TMEM167B: variants seen among roughly 807,000 people sequenced by gnomAD.
TMEM167B encodes the protein transmembrane protein 167B.
A neutral mutation model predicts 9.4 loss-of-function variants in TMEM167B; 2 were observed. That is an observed-to-expected ratio of 0.21 (90% confidence interval 0.09 to 0.67). The LOEUF (loss-of-function observed/expected upper bound fraction) is 0.67. Among genes scored for constraint, TMEM167B ranks in the 30% least tolerant of loss-of-function variants. TMEM167B has a pLI of 0.82. For missense variants in TMEM167B, 68 were observed against 87.6 expected, an observed-to-expected ratio of 0.78 and a Z score of 0.89; for synonymous variants, 28 against 32.0, an observed-to-expected ratio of 0.87 and a Z score of 0.42.
chr1:109,096,307 T>TA lies in TMEM167B; in HGVS notation c.*1809dup, dbSNP rs1460033072. 1 of 152,232 alleles carries TA rather than the reference T, an allele frequency of 6.6e-6. No individual in the cohort carries two copies. Among genetic ancestry groups the TA allele is most frequent in the Non-Finnish European group, 1.5e-5 (1 of 68,044 alleles). The allele number at this position is 152,232 out of a possible 1,614,324, so 9.4% of individuals were successfully genotyped here. A position where few individuals can be genotyped will look rare whatever the true frequency, so the allele number is the denominator to read the frequency against. ...AATCTAGTGGAACAGGAAAGAGAGT[T>TA]ACACCTTGTGGGTGTGAGTTTGGGA... On this transcript the variant is annotated 3_prime_UTR_variant, in exon 3 of 3. Coordinates refer to ENST00000338272, the MANE Select transcript of TMEM167B (RefSeq NM_020141.4).
rs754707154 is a variant in TMEM167B at position 109,092,881 on chromosome 1, A to G, written c.11-9A>G. ...TACCTAAGGTTTTCTTTTCTTCTTT[A>G]TTTAACAGTGTACTCCTTGGATGGG... On this transcript the variant is annotated splice_polypyrimidine_tract_variant and intron_variant, in intron 1 of 2. Coordinates refer to ENST00000338272, the MANE Select transcript of TMEM167B (RefSeq NM_020141.4). The G allele has an allele frequency of 7.4e-6, 12 of 1,613,650 alleles. No individual in the cohort carries two copies. Among genetic ancestry groups the G allele is most frequent in the Non-Finnish European group, 1.0e-5 (12 of 1,179,860 alleles).
chr1:109,090,993 C>T, intron 1 of TMEM167B, 111 bp downstream of exon 1: 1 of 1,342,748 alleles, frequency 7.4e-7, no homozygotes, highest in Non-Finnish European at 1.0e-6. Context: ...CAGCCCGGCC[C>T]CCCTTGGCCT....
chr1:109,090,899 T>C lies in TMEM167B; in HGVS notation c.10+17T>C. ...TGACGAACGGTGAGAACTGATGCCCTGAGCGGAGGGTGGGAGTGAAGGACG... is the reference window on the plus strand; with the variant it reads ...TGACGAACGGTGAGAACTGATGCCCCGAGCGGAGGGTGGGAGTGAAGGACG... On this transcript the variant is annotated intron_variant, in intron 1 of 2. Coordinates refer to ENST00000338272, the MANE Select transcript of TMEM167B (RefSeq NM_020141.4). 6.3e-7 allele frequency: 1 copy of C among 1,587,996 alleles called. No individual in the cohort carries two copies. Among genetic ancestry groups the C allele is most frequent in the Non-Finnish European group, 8.6e-7 (1 of 1,166,194 alleles).
Position 109,093,048 on chromosome 1 carries a change from G to C in TMEM167B, c.142+27G>C, listed in dbSNP as rs1313188806. On this transcript the variant is annotated intron_variant, in intron 2 of 2. Transcript: ENST00000338272. ...TGAGGCCATGTCTGGACAGGGAGAA[G>C]AGACTGCCATCTCTGGACAGTGTGG... 4 of 1,613,634 alleles carry C rather than the reference G, an allele frequency of 2.5e-6. No individual in the cohort carries two copies. The African/African-American group carries it at 5.3e-5, about 22-fold the overall frequency.
intron 1 of TMEM167B, among the ~76,000 whole-genome samples, chr1:109,091,398 A>G (rs543134712): frequency 3.3e-5 from 5 of 152,326 alleles, no homozygotes; most frequent in African/African-American, 9.6e-5. Context: ...TGGCGGGGTG[A>G]TCCCACGTGG....
intron 1 of TMEM167B, 39 bp downstream of exon 1, chr1:109,090,921 G>T: frequency 1.3e-6 from 2 of 1,571,930 alleles, no homozygotes; most frequent in Non-Finnish European, 1.7e-6. Flanking sequence ...GGGAGTGAAG[G>T]ACGAAGGGAA....
chr1:109,094,401 C>T lies in TMEM167B; in HGVS notation c.143-16C>T, dbSNP rs756826697. On this transcript the variant is annotated splice_polypyrimidine_tract_variant and intron_variant, in intron 2 of 2. Transcript: ENST00000338272. ...TGAAGGGCAGGGTGTGATTTCTTCT[C>T]TCTTTTGCCTGCTAGCCGCTGTGAT... 4 of 1,613,858 alleles carry T rather than the reference C, an allele frequency of 2.5e-6. No homozygotes were observed. The highest frequency in any genetic ancestry group is 1.7e-5 in the Admixed American group (1 of 60,004).
chr1:109,094,641 G>T lies in TMEM167B; in HGVS notation c.*142G>T, dbSNP rs562799491. Reference sequence around the variant, plus strand: ...ACCACAGCATCTGCCCCTGCTATATGTGGGGAAAACTCATGGTCACGAACA... The same window carrying T: ...ACCACAGCATCTGCCCCTGCTATATTTGGGGAAAACTCATGGTCACGAACA... On this transcript the variant is annotated 3_prime_UTR_variant, in exon 3 of 3. Coordinates refer to ENST00000338272, the MANE Select transcript of TMEM167B (RefSeq NM_020141.4). 1 of 742,126 alleles carries T rather than the reference G, an allele frequency of 1.3e-6. No individual in the cohort carries two copies. Among genetic ancestry groups the T allele is most frequent in the Non-Finnish European group, 2.3e-6 (1 of 440,880 alleles). The allele number at this position is 742,126 out of a possible 1,614,324, so 46.0% of individuals were successfully genotyped here. A position where few individuals can be genotyped will look rare whatever the true frequency, so the allele number is the denominator to read the frequency against.
At position 109,094,438 on chromosome 1, in the gene TMEM167B, T is replaced by C. The variant is rs137977269; in HGVS notation, c.164T>C (p.Leu55Pro). ...CTAGCCGCTGTGATTGGAACCAGGC[T>C]GCATGCTGCTGTGGCAATTGCTTGT... is the stretch of plus-strand genomic sequence containing the variant. ...FYKAAVIGTRLHAAVAIACVV... is the reference protein window; with the variant it reads ...FYKAAVIGTRPHAAVAIACVV... Residue 55 changes from leucine to proline, a missense_variant, in exon 3 of 3, where the codon CTG (leucine) becomes CCG (proline). Coordinates refer to ENST00000338272, the MANE Select transcript of TMEM167B (RefSeq NM_020141.4). 1.9e-6 allele frequency: 3 copies of C among 1,614,116 alleles called. No homozygotes were observed. The African/African-American group carries it at 4.0e-5, about 22-fold the overall frequency.
intron 1 of TMEM167B, 88 bp downstream of exon 1, chr1:109,090,970 C>A: frequency 6.8e-7 from 1 of 1,473,030 alleles, no homozygotes; most frequent in South Asian, 1.3e-5. Flanking sequence ...TGGCCGTTCT[C>A]CCCGCCCCCT....
intron 2 of TMEM167B, among the ~76,000 whole-genome samples, chr1:109,094,135 C>A (rs544985123): frequency 1.3e-5 from 2 of 152,144 alleles, no homozygotes; most frequent in Non-Finnish European, 2.9e-5. Context: ...CAAAAATTAG[C>A]TGGGCATGGT....
At chr1:109,094,313 G>A in intron 2 of TMEM167B, 104 bp from the exon 3 acceptor site, 1 of 1,113,606 alleles carries the variant, frequency 9.0e-7, no homozygotes, top group Non-Finnish European at 1.3e-6. Context: ...GCCCTTGAGA[G>A]CGTTGATATG....
Position 109,094,676 on chromosome 1 carries a change from C to A in TMEM167B, c.*177C>A. The A allele has an allele frequency of 1.6e-6, 1 of 616,342 alleles. No homozygotes were observed. The highest frequency in any genetic ancestry group is 2.9e-6 in the Non-Finnish European group (1 of 349,398). 38.2% of individuals were successfully genotyped at this position (616,342 alleles called of 1,614,324 possible). On this transcript the variant is annotated 3_prime_UTR_variant, in exon 3 of 3. Coordinates refer to ENST00000338272, the MANE Select transcript of TMEM167B (RefSeq NM_020141.4). ...CTCATGGTCACGAACATTATTTATG[C>A]TTCAGGGGACTACAGAAAGCCAGCT...
At chr1:109,091,459 A>G (rs1205300924) in intron 1 of TMEM167B, among the ~76,000 whole-genome samples, 1 of 152,238 alleles carries the variant, frequency 6.6e-6, no homozygotes. Context: ...CCTCTTCTAG[A>G]TGATGAGGCA....
intron 2 of TMEM167B, 123 bp downstream of exon 2, chr1:109,093,144 T>C (rs1664488811): frequency 4.4e-6 from 6 of 1,370,756 alleles, no homozygotes; most frequent in Non-Finnish European, 5.0e-6. Flanking sequence ...ATCCCTCCGA[T>C]TGGGTCTGAG....
At chr1:109,091,613 A>G (rs2102126301) in intron 1 of TMEM167B, 1 of 152,338 alleles carries the variant, frequency 6.6e-6, no homozygotes, top group East Asian at 1.9e-4. Context: ...CATTACGATG[A>G]TTTGAGGGGC....
At chr1:109,094,028 C>T (rs1484951448) in intron 2 of TMEM167B, among the ~76,000 whole-genome samples, 1 of 152,084 alleles carries the variant, frequency 6.6e-6, no homozygotes, top group Non-Finnish European at 1.5e-5. Context: ...GCCTGTAATT[C>T]CAGCACTTTA....
chr1:109,092,215 G>A (rs1664465707), intron 1 of TMEM167B, among the ~76,000 whole-genome samples: 5 of 152,120 alleles, frequency 3.3e-5, no homozygotes. Flanking sequence ...TATTATTCTG[G>A]CAGAAATTCG....
chr1:109,094,553 C>A lies in TMEM167B; in HGVS notation c.*54C>A. ...CAACCAAGGGGACGGGGATGAAGAA[C>A]CTGTTGGAGACCTGAACCCAGTGTA... On this transcript the variant is annotated 3_prime_UTR_variant, in exon 3 of 3. Transcript: ENST00000338272. 6.4e-7 allele frequency: 1 copy of A among 1,568,786 alleles called. No homozygotes were observed. Among genetic ancestry groups the A allele is most frequent in the East Asian group, 2.2e-5 (1 of 44,640 alleles).
Sources: allele counts gnomAD v4.1 joint callset (sites outside exome capture counted in the v4.1 genomes callset), GRCh38; gene constraint gnomAD v4.1.1; transcripts MANE v1.5; gene names NCBI Gene and HGNC (gene_info 2026-07-23, HGNC 2026-07-21).